Variants in MED12 observed in about 807,000 individuals in gnomAD.
MED12 encodes mediator complex subunit 12.
Under a neutral mutation model 177.7 loss-of-function variants are expected in MED12, and 10 were observed. The observed-to-expected ratio is 0.06, with a 90% CI of 0.03 to 0.10. The LOEUF is 0.10. Among genes scored for constraint, MED12 ranks in the 10% least tolerant of loss-of-function variants. The probability of loss-of-function intolerance (pLI) is 1.00; values close to 1 mark genes in which losing one functional copy is unlikely to be tolerated. For missense variants in MED12, 867 were observed against 1,780.8 expected (o/e 0.49, Z 9.23); for synonymous variants, 641 against 678.4 (o/e 0.94, Z 0.86).
intron 43 of MED12, among the ~76,000 whole-genome samples, chrX:71,141,592 C>T (rs1310090325): frequency 8.9e-6 from 1 of 112,119 alleles, no homozygotes; most frequent in Non-Finnish European, 1.9e-5. Context: ...AGTTCAAGAC[C>T]AGCCTGGCCA....
rs1266048814 is a variant in MED12 at position 71,140,236 on chromosome X, C to T, written c.6045-399C>T. ...CTGGGATTACAGGCATCCACTACCA[C>T]GCTCAGCTATTTTTTTTTGTATTTT... is the stretch of plus-strand genomic sequence containing the variant. On this transcript the variant is annotated intron_variant, in intron 41 of 44. Transcript: ENST00000374080. Among the ~76,000 whole-genome samples the T allele has an allele frequency of 4.8e-4, 51 of 107,281 alleles. 2 individuals are homozygous for T. In the Admixed American group the frequency reaches 4.9e-3, roughly 10 times the overall value. 93.2% of individuals were successfully genotyped at this position (107,281 alleles called of 115,157 possible). A position where few individuals can be genotyped will look rare whatever the true frequency, so the allele number is the denominator to read the frequency against.
At position 71,126,481 on chromosome X, in the gene MED12, T is replaced by C; in HGVS notation, c.2682T>C (p.Ile894=). ...TCAGTGGCCTCATCGACTTTGCCAT[T>C]CAGGTGGGGAAGTTGGGGAGATGAG... is the stretch of plus-strand genomic sequence containing the variant. ...LSISGLIDFA[I]QLLNELSVVE... is the part of the protein sequence containing the mutation. Residue 894 remains isoleucine (I), a synonymous_variant, in exon 19 of 45, where the codon ATT becomes ATC. Coordinates refer to ENST00000374080, the MANE Select transcript of MED12 (RefSeq NM_005120.3). 1 of 1,212,023 alleles carries C rather than the reference T, an allele frequency of 8.3e-7. No homozygotes were observed. Among genetic ancestry groups the C allele is most frequent in the South Asian group, 1.8e-5 (1 of 57,030 alleles).
Position 71,132,327 on chromosome X carries a change from C to T in MED12, c.4254-50C>T, listed in dbSNP as rs765359630. On this transcript the variant is annotated intron_variant, in intron 30 of 44. Coordinates refer to ENST00000374080, the MANE Select transcript of MED12 (RefSeq NM_005120.3). ...AGGGAAAGGAGAGGATAGATTGTTC[C>T]AGCCTTGCCTGGCTCCCCTGTGACC... is the stretch of plus-strand genomic sequence containing the variant. 6.7e-6 allele frequency: 8 copies of T among 1,197,610 alleles called. No individual in the cohort carries two copies. The Admixed American group carries it at 1.8e-4, about 26-fold the overall frequency.
In MED12 at chrX:71,137,601, C is replaced by T. The variant is rs2092335933; in HGVS notation, c.5792C>T (p.Thr1931Ile). 1 of 1,210,452 alleles carries T rather than the reference C, an allele frequency of 8.3e-7. No homozygotes were observed. Among genetic ancestry groups the T allele is most frequent in the East Asian group, 3.0e-5 (1 of 33,832 alleles). Residue 1931 changes from threonine to isoleucine, a missense_variant, in exon 40 of 45, where the codon ACT becomes ATT. Thr to Ile is a moderately conservative substitution (Grantham distance 89). Coordinates refer to ENST00000374080, the MANE Select transcript of MED12 (RefSeq NM_005120.3). ...MLGQSSVHQM[T>I]PSSSYGLQTS... ...GGACAGTCATCTGTCCATCAGATGA[C>T]TCCCAGCTCTTCCTACGGTTTGCAG...
chrX:71,132,237 C>T, intron 30 of MED12, 31 bp downstream of exon 30: 1 of 1,203,730 alleles, frequency 8.3e-7, no homozygotes, highest in African/African-American at 1.7e-5. Context: ...GACCCATCCC[C>T]TTAGGAGTTT....
rs371311763 is a variant in MED12, at chrX:71,121,323, A to G, written c.736-4A>G. 9 of 1,207,752 alleles carry G rather than the reference A, an allele frequency of 7.5e-6. No individual in the cohort carries two copies. Among genetic ancestry groups the G allele is most frequent in the Non-Finnish European group, 1.0e-5 (9 of 893,418 alleles). ...TCCCCTCTTCCCTCCCCTGGTACCC[A>G]TAGGATGGAATGCTGGACAGACATG... On this transcript the variant is annotated splice_polypyrimidine_tract_variant and splice_region_variant and intron_variant, in intron 5 of 44. Transcript: ENST00000374080.
chrX:71,142,072 C>A, intron 44 of MED12, 103 bp from the exon 45 acceptor site: 1 of 1,087,265 alleles, frequency 9.2e-7, no homozygotes, highest in Non-Finnish European at 1.3e-6. Flanking sequence ...TGAGAGGAGG[C>A]ATTCCATTCC....
intron 36 of MED12, among the ~76,000 whole-genome samples, chrX:71,135,566 G>A (rs998988307): frequency 2.7e-5 from 3 of 110,609 alleles, no homozygotes; most frequent in Non-Finnish European, 5.7e-5. Flanking sequence ...CTATCTGGCC[G>A]ACAGCCTGTA....
At position 71,140,650 on chromosome X, in the gene MED12, A is replaced by T. The variant is rs751668146; in HGVS notation, c.6060A>T (p.Thr2020=). ...LTSTQRFSHQ[T]LQQTPMISTM... is the part of the protein sequence containing the mutation. Reference sequence around the variant, plus strand: ...ATCTTTGGAGGTTTTCACACCAGACACTGCAGCAGACACCCATGATAAGTA... The same window carrying T: ...ATCTTTGGAGGTTTTCACACCAGACTCTGCAGCAGACACCCATGATAAGTA... The change falls in exon 42 of 45, where the codon ACA becomes ACT. Residue 2020 remains threonine, a synonymous_variant. Transcript: ENST00000374080. The T allele has an allele frequency of 2.5e-6, 3 of 1,210,896 alleles. No homozygotes were observed. The highest frequency in any genetic ancestry group is 3.4e-6 in the Non-Finnish European group (3 of 895,279).
intron 33 of MED12, among the ~76,000 whole-genome samples, 168 bp downstream of exon 33, chrX:71,133,380 C>T (rs1445313362): frequency 1.9e-5 from 2 of 107,269 alleles, no homozygotes; most frequent in Admixed American, 9.9e-5. Flanking sequence ...GTCACCCAAG[C>T]TGGAGTGCAG....
rs745627308 is a variant in MED12, at chrX:71,130,203, C to T, written c.4036C>T (p.Arg1346Cys). Residue 1346 changes from arginine to cysteine, a missense_variant, in exon 28 of 45, where the codon CGC becomes TGC. Physicochemically the swap from Arg to Cys is radical, Grantham distance 180 (BLOSUM62 -3). Around this residue, in one of 14 missense-constraint regions of MED12, gnomAD observed 46 missense variants for 71.7 expected, o/e 0.64. Transcript: ENST00000374080. ...AAACCCCCAGCGGCAGCGCATAAAG[C>T]GCATTCTCCAGGTAGGCCAAGGCCG... ...GENPQRQRIK[R>C]ILQNLDQWTM... is the part of the protein sequence containing the mutation. The T allele has an allele frequency of 5.8e-6, 7 of 1,205,374 alleles. No individual in the cohort carries two copies. The highest frequency in any genetic ancestry group is 1.7e-5 in the African/African-American group (1 of 57,496).
At chrX:71,122,450 G>A (rs2092291747) in intron 8 of MED12, 58 bp from the exon 9 acceptor site, 2 of 1,184,581 alleles carry the variant, frequency 1.7e-6, no homozygotes, top group Non-Finnish European at 2.3e-6. Flanking sequence ...CTAGCCTGGG[G>A]CTCTGGCCTT....
At chrX:71,132,292 C>T in intron 30 of MED12, 85 bp from the exon 31 acceptor site, 1 of 1,175,526 alleles carries the variant, frequency 8.5e-7, no homozygotes, top group Non-Finnish European at 1.2e-6. Context: ...GAGATGCCAG[C>T]ATGTCCATCA....
rs1477622307 is a variant in MED12 at position 71,121,646 on chromosome X, G to A, written c.931G>A (p.Gly311Ser). 7 of 1,209,690 alleles carry A rather than the reference G, an allele frequency of 5.8e-6. No individual in the cohort carries two copies. Among genetic ancestry groups the A allele is most frequent in the Non-Finnish European group, 6.7e-6 (6 of 895,159 alleles). The part of the protein sequence containing the change: ...CTRRLALQLD[G>S]VSSHSSHVIS... ...ACGGAGACTGGCCCTGCAGCTGGAT[G>A]GTGTGAGCAGTCACTCATCTCATGT... Residue 311 changes from glycine to serine, a missense_variant, in exon 7 of 45, where the codon GGT becomes AGT. Gly to Ser is a moderately conservative substitution (Grantham distance 56). Transcript: ENST00000374080.
In MED12 at chrX:71,134,676, TTTC is replaced by T. The variant is rs755636749; in HGVS notation, c.4728-31_4728-29del. ...TGAGGCCTTTTTCTATCTTCACCTC[TTTC>T]TTCTTTGGTTTTCTCTCTGGCTTCC... On this transcript the variant is annotated intron_variant, in intron 34 of 44. Transcript: ENST00000374080. The T allele has an allele frequency of 1.3e-3, 1,528 of 1,207,036 alleles. 14 individuals carry two copies. The African/African-American group carries it at 0.022, about 17-fold the overall frequency.
intron 12 of MED12, 77 bp downstream of exon 12, chrX:71,123,797 A>G: frequency 9.7e-7 from 1 of 1,026,919 alleles, no homozygotes; most frequent in South Asian, 2.0e-5. Context: ...AGCATAATTA[A>G]CAGCCCTCTG....
At position 71,125,655 on chromosome X, in the gene MED12, C is replaced by G. The variant is rs1464348698; in HGVS notation, c.2372-8C>G. 3.3e-6 allele frequency: 3 copies of G among 898,034 alleles called. No individual in the cohort carries two copies. The Admixed American group carries it at 7.5e-5, about 22-fold the overall frequency. 74.0% of individuals were successfully genotyped at this position (898,034 alleles called of 1,213,427 possible). On this transcript the variant is annotated splice_polypyrimidine_tract_variant and splice_region_variant and intron_variant, in intron 16 of 44. Transcript: ENST00000374080. The stretch of plus-strand genomic sequence containing the variant: ...TGAAACTTCCCCCCTCATTCCCCCC[C>G]TCTACAGACCAGCTTGCTCCTATTG...
intron 33 of MED12, 75 bp from the exon 34 acceptor site, chrX:71,134,282 G>C (rs2092326683): frequency 1.8e-6 from 1 of 541,644 alleles, no homozygotes; most frequent in African/African-American, 2.4e-5. Flanking sequence ...TCCCAACTCA[G>C]ATTGGAACTA....
rs773595972 is a variant in MED12, at chrX:71,137,167, C to T, written c.5552-20C>T. On this transcript the variant is annotated intron_variant, in intron 38 of 44. Coordinates refer to ENST00000374080, the MANE Select transcript of MED12 (RefSeq NM_005120.3). ...ACAGAGGGATGAGGAGCCTAGAGGT[C>T]AGCCCACTCTCCTTTTCAGGTGGCC... is the stretch of plus-strand genomic sequence containing the variant. The T allele has an allele frequency of 2.5e-6, 3 of 1,208,141 alleles. No homozygotes were observed. Among genetic ancestry groups the T allele is most frequent in the Non-Finnish European group, 2.2e-6 (2 of 892,145 alleles).
Sources: allele counts gnomAD v4.1 joint callset (sites outside exome capture counted in the v4.1 genomes callset), GRCh38; gene constraint gnomAD v4.1.1; regional missense constraint gnomAD v4.1.1; transcripts MANE v1.5; gene names NCBI Gene and HGNC (gene_info 2026-07-23, HGNC 2026-07-21).